MAP4K4: variants seen among roughly 807,000 people sequenced by gnomAD.
The protein encoded by MAP4K4 is HPK/GCK-like kinase HGK.
In MAP4K4, 38 loss-of-function variants were observed where a neutral mutation model predicts 189.6. The observed-to-expected ratio is 0.20, with a 90% CI of 0.15 to 0.26. The LOEUF (loss-of-function observed/expected upper bound fraction) is 0.26. Ranked by LOEUF, MAP4K4 falls within the 10% of genes least tolerant of loss-of-function variation. MAP4K4 has a pLI of 1.00. For missense variants in MAP4K4, 1,054 were observed against 1,726.9 expected (o/e 0.61, Z 6.91); for synonymous variants, 610 against 624.3 (o/e 0.98, Z 0.34).
intron 10 of MAP4K4, among the ~76,000 whole-genome samples, chr2:101,841,637 T>G (rs1350770997): frequency 6.6e-6 from 1 of 152,058 alleles, no homozygotes; most frequent in African/African-American, 2.4e-5. Flanking sequence ...CCCGGCTGGT[T>G]TTTGTATTTT....
chr2:101,717,014 C>T (rs2048801823), intron 2 of MAP4K4, among the ~76,000 whole-genome samples: 1 of 152,124 alleles, frequency 6.6e-6, no homozygotes, highest in African/African-American at 2.4e-5. Flanking sequence ...AGAATCTAAT[C>T]ACCATTAATT....
chr2:101,873,399 A>G (rs917203203), intron 24 of MAP4K4, among the ~76,000 whole-genome samples: 6 of 151,916 alleles, frequency 3.9e-5, no homozygotes, highest in African/African-American at 9.7e-5. Context: ...AGCTTGCAGC[A>G]CTGCTTTGTA....
intron 2 of MAP4K4, among the ~76,000 whole-genome samples, chr2:101,737,831 C>G (rs1188982199): frequency 1.3e-5 from 2 of 152,132 alleles, no homozygotes; most frequent in African/African-American, 4.8e-5. Flanking sequence ...CCCTCTTTCT[C>G]CCTCACTTAG....
chr2:101,800,118 C>T (rs1279887828), intron 3 of MAP4K4, among the ~76,000 whole-genome samples: 3 of 107,946 alleles, frequency 2.8e-5, no homozygotes, highest in African/African-American at 1.2e-4. Context: ...TTGTTCTTCT[C>T]CTTAAAAAAA....
At chr2:101,811,102 G>A (rs1438706443) in intron 3 of MAP4K4, among the ~76,000 whole-genome samples, 13 of 152,202 alleles carry the variant, frequency 8.5e-5, no homozygotes, top group African/African-American at 2.6e-4. Context: ...GGTCGGGCGA[G>A]GTGGCTCACA....
intron 2 of MAP4K4, among the ~76,000 whole-genome samples, chr2:101,729,077 G>GAAGAGA (rs70946662): frequency 2.9e-4 from 37 of 128,760 alleles, no homozygotes; most frequent in African/African-American, 4.2e-4. Flanking sequence ...ATTAGAGAGA[G>GAAGAGA]GAGAGAGAGA....
intron 2 of MAP4K4, among the ~76,000 whole-genome samples, chr2:101,703,670 T>G (rs1029658884): frequency 1.3e-5 from 2 of 150,020 alleles, no homozygotes; most frequent in African/African-American, 4.9e-5. Flanking sequence ...GTGCTAAAAT[T>G]GCTTTCGATT....
exon 20 of MAP4K4, chr2:101,867,276 T>C: frequency 6.2e-7 from 1 of 1,607,772 alleles, no homozygotes; most frequent in Non-Finnish European, 8.5e-7. Context: ...AACCTGAAGA[T>C]AAAAAGGAAG....
At chr2:101,712,421 C>G (rs540926871) in intron 2 of MAP4K4, among the ~76,000 whole-genome samples, 1 of 152,098 alleles carries the variant, frequency 6.6e-6, no homozygotes, top group Non-Finnish European at 1.5e-5. Context: ...GTCTTGATCT[C>G]CTGACCTCGT....
chr2:101,697,970 CCGGCTCGGCTGCCGCGCGAGGAGCG>C, exon 1 of MAP4K4: 3 of 613,122 alleles, frequency 4.9e-6, no homozygotes, highest in Non-Finnish European at 7.1e-6. Flanking sequence ...GAGTACCGGG[CCGGCTCGGCTGCCGCGCGAGGAGCG>C]CGGTCGGCGG....
At chr2:101,846,201 G>A (rs569771839) in intron 12 of MAP4K4, among the ~76,000 whole-genome samples, 1 of 152,186 alleles carries the variant, frequency 6.6e-6, no homozygotes, top group African/African-American at 2.4e-5. Context: ...TGGTATTTTT[G>A]TTAAGACTCT....
intron 12 of MAP4K4, 43 bp downstream of exon 12, chr2:101,844,354 T>C (rs975385690): frequency 1.3e-6 from 2 of 1,518,298 alleles, no homozygotes; most frequent in Non-Finnish European, 1.8e-6. Context: ...CTTTTCTCTT[T>C]CTGCATTTAC....
At chr2:101,785,129 G>A (rs1433427268) in intron 2 of MAP4K4, among the ~76,000 whole-genome samples, 1 of 152,172 alleles carries the variant, frequency 6.6e-6, no homozygotes, top group African/African-American at 2.4e-5. Flanking sequence ...ATTTAGGGAC[G>A]AAGGCATTTG....
At chr2:101,738,866 T>C (rs1314180893) in intron 2 of MAP4K4, among the ~76,000 whole-genome samples, 1 of 152,102 alleles carries the variant, frequency 6.6e-6, no homozygotes, top group Admixed American at 6.6e-5. Context: ...CAAGAACCCA[T>C]TTTTGTAGTT....
chr2:101,832,414 A>G (rs147124898), intron 7 of MAP4K4, among the ~76,000 whole-genome samples: 11 of 152,358 alleles, frequency 7.2e-5, no homozygotes, highest in African/African-American at 2.2e-4. Flanking sequence ...CCTTAATTAG[A>G]TGAGCCAGAC....
Position 101,784,263 on chromosome 2 carries a change from C to CGTGTGT in MAP4K4, c.124-6438_124-6433dup, listed in dbSNP as rs143119918. The stretch of plus-strand genomic sequence containing the variant: ...CATGGTATTTCTCTGTGATGCTCTT[C>CGTGTGT]GTGTGTGTGTGTGTGTGTGTGTGTA... On this transcript the variant is annotated intron_variant, in intron 2 of 32. Transcript: ENST00000324219. Among the ~76,000 whole-genome samples the CGTGTGT allele has an allele frequency of 1.9e-3, 282 of 146,740 alleles. 2 individuals are homozygous for CGTGTGT. Among genetic ancestry groups the CGTGTGT allele is most frequent in the East Asian group, 0.012 (58 of 5,010 alleles).
chr2:101,703,963 C>T (rs1048023541), intron 2 of MAP4K4, among the ~76,000 whole-genome samples: 28 of 151,724 alleles, frequency 1.8e-4, no homozygotes, highest in African/African-American at 1.2e-4. Context: ...TGAAGTGAGC[C>T]GAGATAGCAC....
rs564727483 is a variant in MAP4K4, at chr2:101,704,752, G to T, written c.123+6214G>T. On this transcript the variant is annotated intron_variant, in intron 2 of 32. Transcript: ENST00000324219. ...TTTTTGTATTTTTAGTAGAGATGGG[G>T]TTTCACCATATTGGCCAGGCTGGTC... Among the ~76,000 whole-genome samples the T allele has an allele frequency of 1.5e-4, 22 of 151,030 alleles. No homozygotes were observed. In the East Asian group the frequency reaches 2.1e-3, roughly 15 times the overall value.
chr2:101,889,278 G>A (rs1013996121), intron 32 of MAP4K4, among the ~76,000 whole-genome samples: 6 of 152,164 alleles, frequency 3.9e-5, no homozygotes, highest in African/African-American at 9.7e-5. Context: ...GGAAGGAACC[G>A]CCGTGCCATT....
Sources: gnomAD v4.1 joint callset for allele counts (sites outside exome capture counted in the v4.1 genomes callset) on GRCh38, gnomAD v4.1.1 for gene constraint, MANE v1.5 for transcripts, NCBI Gene and HGNC (gene_info 2026-07-23, HGNC 2026-07-21) for gene names.